Variants in NOC2L observed in about 807,000 individuals in gnomAD.
NOC2L encodes NOC2 like nucleolar associated transcriptional repressor.
In NOC2L, 101 loss-of-function variants were observed where a neutral mutation model predicts 94.2. The ratio of observed to expected loss-of-function variants is 1.07; its 90% CI spans 0.91 to 1.26. The LOEUF (loss-of-function observed/expected upper bound fraction) is 1.26, where lower values mean the gene tolerates loss of function less well. NOC2L is among the 50% of genes most tolerant of loss of function. The probability of loss-of-function intolerance (pLI) is 0.00; values close to 1 mark genes in which losing one functional copy is unlikely to be tolerated. For synonymous variants in NOC2L, 531 were observed against 413.4 expected (o/e 1.28, Z -3.45); for missense variants, 1,076 against 980.1 (o/e 1.10, Z -1.31).
chr1:957,296 C>G lies in NOC2L; in HGVS notation c.180-23G>C, dbSNP rs765512236. ...CGGCTGAGGAGGCAGAAGTCAGCGA[C>G]CCCAGTGGGAAGTGGAAGTAGAGGG... On this transcript the variant is annotated intron_variant, in intron 2 of 18. Transcript: ENST00000327044. 2.2e-5 allele frequency: 35 copies of G among 1,610,852 alleles called. No homozygotes were observed. The South Asian group carries it at 3.3e-4, about 15-fold the overall frequency.
intron 16 of NOC2L, among the ~76,000 whole-genome samples, chr1:945,946 G>A (rs1343211038): frequency 6.6e-6 from 1 of 152,216 alleles, no homozygotes; most frequent in Non-Finnish European, 1.5e-5. Flanking sequence ...GGCCTGAGGG[G>A]GCATGGCCTC....
chr1:949,191 T>C (rs1642191561), intron 12 of NOC2L, among the ~76,000 whole-genome samples: 1 of 152,044 alleles, frequency 6.6e-6, no homozygotes, highest in Non-Finnish European at 1.5e-5. Context: ...CAGCCTGGCC[T>C]CTCAGTCTTG....
chr1:953,180 G>A lies in NOC2L; in HGVS notation c.997C>T (p.Leu333Phe). The A allele has an allele frequency of 6.2e-7, 1 of 1,609,834 alleles. No homozygotes were observed. Among genetic ancestry groups the A allele is most frequent in the Non-Finnish European group, 8.5e-7 (1 of 1,176,520 alleles). The stretch of plus-strand genomic sequence containing the variant: ...GACGCAGGGCCCACCACTACCTTGA[G>A]GACGGGGCCAAGGAAAGTGTCCTTC... ...HKKDTFLGPV[L>F]KQMYITYVRN... The change falls in exon 9 of 19, where the codon CTC becomes TTC. Residue 333 changes from leucine to phenylalanine, a missense_variant. By Grantham distance (22) the Leu-to-Phe change is conservative. This residue lies in a region of NOC2L where 615 missense variants were observed against 577.4 expected (regional missense o/e 1.07). Coordinates refer to ENST00000327044, the MANE Select transcript of NOC2L (RefSeq NM_015658.4).
In NOC2L at chr1:944,526, C is replaced by A; in HGVS notation, c.*168G>T. On this transcript the variant is annotated 3_prime_UTR_variant, in exon 19 of 19. Transcript: ENST00000327044. ...GCCACACCAGCCCAGCCCAGCCCAG[C>A]TCTCGATACGTTTGGTCTTTCATGC... is the stretch of plus-strand genomic sequence containing the variant. 1 of 626,324 alleles carries A rather than the reference C, an allele frequency of 1.6e-6. No homozygotes were observed. Among genetic ancestry groups the A allele is most frequent in the Non-Finnish European group, 2.7e-6 (1 of 371,076 alleles). The allele number at this position is 626,324 out of a possible 1,614,324, so 38.8% of individuals were successfully genotyped here.
chr1:950,324 T>A (rs1057384074), intron 12 of NOC2L, among the ~76,000 whole-genome samples: 1 of 151,722 alleles, frequency 6.6e-6, no homozygotes, highest in Non-Finnish European at 1.5e-5. Context: ...CAGACACACA[T>A]GCATGCACAC....
Position 956,110 on chromosome 1 carries a change from C to T in NOC2L, c.592G>A (p.Val198Ile). The T allele has an allele frequency of 6.2e-7, 1 of 1,614,080 alleles. No homozygotes were observed. Among genetic ancestry groups the T allele is most frequent in the Non-Finnish European group, 8.5e-7 (1 of 1,180,038 alleles). Residue 198 changes from valine (V) to isoleucine (I), a missense_variant, in exon 5 of 19, where the codon GTC (valine) becomes ATC (isoleucine). Around this residue, in one of 3 missense-constraint regions of NOC2L, gnomAD observed 457 missense variants for 386.0 expected, o/e 1.18. Coordinates refer to ENST00000327044, the MANE Select transcript of NOC2L (RefSeq NM_015658.4). The stretch of plus-strand genomic sequence containing the variant: ...CCAAGCTCACCAGCACTGTCCGTGA[C>T]CTGGAATTTGTTGGCCTCAGCACTT... ...QESAEANKFQ[V>I]TDSAAFNALV...
chr1:956,286 C>G, intron 4 of NOC2L, 71 bp from the exon 5 acceptor site: 1 of 1,583,500 alleles, frequency 6.3e-7, no homozygotes, highest in Non-Finnish European at 8.6e-7. Flanking sequence ...AACGGCAGCC[C>G]CAGAGAAAGG....
chr1:944,290 A>T lies in NOC2L; in HGVS notation c.*404T>A. On this transcript the variant is annotated 3_prime_UTR_variant, in exon 19 of 19. Coordinates refer to ENST00000327044, the MANE Select transcript of NOC2L (RefSeq NM_015658.4). ...ATTTTAAAAGAAAATGTGACTTCAA[A>T]GGAAAGGAACAAATTTTCAAAGACT... 7.0e-7 allele frequency: 1 copy of T among 1,421,714 alleles called. No individual in the cohort carries two copies. Among genetic ancestry groups the T allele is most frequent in the Admixed American group, 3.1e-5 (1 of 32,014 alleles). 88.1% of individuals were successfully genotyped at this position (1,421,714 alleles called of 1,614,324 possible).
At position 952,114 on chromosome 1, in the gene NOC2L, C is replaced by T; in HGVS notation, c.1217G>A (p.Trp406Ter). The T allele has an allele frequency of 1.2e-6, 2 of 1,613,632 alleles. No individual in the cohort carries two copies. Among genetic ancestry groups the T allele is most frequent in the East Asian group, 2.2e-5 (1 of 44,888 alleles). Reference protein sequence around the residue: ...KKETYQSVYNWQYVHCLFLWC... With the variant: ...KKETYQSVYN ...CAGGAAGAGGCAGTGCACATACTGC[C>T]AGTTGTACACAGACTGGTATGTTTC... Residue 406 changes from tryptophan to a stop codon, truncating the protein, a stop_gained, in exon 11 of 19, where the codon TGG becomes TAG. Transcript: ENST00000327044. LOFTEE classifies it high-confidence loss of function.
At chr1:946,681 A>T (rs1207367278) in intron 14 of NOC2L, 136 bp from the exon 15 acceptor site, 2 of 1,054,020 alleles carry the variant, frequency 1.9e-6, no homozygotes, top group Non-Finnish European at 2.7e-6. Flanking sequence ...TCAGGGCTCA[A>T]GTGCATAGCT....
rs1642281607 is a variant in NOC2L, at chr1:952,297, G to A, written c.1191+115C>T. The A allele has an allele frequency of 6.3e-6, 9 of 1,430,488 alleles. No homozygotes were observed. In the East Asian group the frequency reaches 1.4e-4, roughly 23 times the overall value. 88.6% of individuals were successfully genotyped at this position (1,430,488 alleles called of 1,614,324 possible). A position where few individuals can be genotyped will look rare whatever the true frequency, so the allele number is the denominator to read the frequency against. ...CTGCAAGGACCGACTGCACCAGGGT[G>A]CTGGGCTGTCTCCAGACAGGGGCTT... On this transcript the variant is annotated intron_variant, in intron 10 of 18. Transcript: ENST00000327044.
chr1:948,340 T>A, intron 13 of NOC2L, 108 bp from the exon 14 acceptor site: 1 of 1,108,836 alleles, frequency 9.0e-7, no homozygotes, highest in Non-Finnish European at 1.3e-6. Context: ...GGGCACGGAC[T>A]GCAAGGAAGG....
chr1:956,900 T>G lies in NOC2L; in HGVS notation c.480A>C (p.Ala160=), dbSNP rs756509282. Residue 160 remains alanine, a synonymous_variant, in exon 4 of 19, where the codon GCA becomes GCC. Coordinates refer to ENST00000327044, the MANE Select transcript of NOC2L (RefSeq NM_015658.4). ...TVAMVERWKQ[A]AKQRLTPKLF... The stretch of plus-strand genomic sequence containing the variant: ...GCCCCTGGCTGCTGCTCACCTTTGC[T>G]GCCTGCTTCCATCTCTCAACCATGG... The G allele has an allele frequency of 6.2e-7, 1 of 1,613,732 alleles. No homozygotes were observed. The highest frequency in any genetic ancestry group is 1.1e-5 in the South Asian group (1 of 91,076).
In NOC2L at chr1:955,168, C is replaced by T. The variant is rs1642367310; in HGVS notation, c.698+755G>A. The stretch of plus-strand genomic sequence containing the variant: ...CTGTCCCTCCACCCCCATCTGCCAG[C>T]TTCCTTGTCCCCTTCGGACAGCACT... On this transcript the variant is annotated intron_variant, in intron 6 of 18. Transcript: ENST00000327044. 2.0e-5 allele frequency among the ~76,000 whole-genome samples: 3 copies of T among 152,270 alleles called. No homozygotes were observed. The South Asian group carries it at 6.2e-4, about 31-fold the overall frequency.
chr1:956,491 C>T (rs995864531), intron 4 of NOC2L, among the ~76,000 whole-genome samples: 69 of 152,080 alleles, frequency 4.5e-4, no homozygotes, highest in Non-Finnish European at 8.7e-4. Flanking sequence ...TGGAGCTCTC[C>T]GTATCCTTGT....
rs984235658 is a variant in NOC2L, at chr1:945,504, C to T, written c.2053+14G>A. 5 of 1,612,980 alleles carry T rather than the reference C, an allele frequency of 3.1e-6. No homozygotes were observed. Among genetic ancestry groups the T allele is most frequent in the Non-Finnish European group, 4.2e-6 (5 of 1,179,708 alleles). ...AGGCCCACCCTTCCCCTGGGAGCAC[C>T]ACGCAGGCCCCACCTCTCTCCGAGA... On this transcript the variant is annotated intron_variant, in intron 17 of 18. Coordinates refer to ENST00000327044, the MANE Select transcript of NOC2L (RefSeq NM_015658.4).
At position 948,623 on chromosome 1, in the gene NOC2L, A is replaced by G; in HGVS notation, c.1444-20T>C. The G allele has an allele frequency of 8.5e-7, 1 of 1,174,548 alleles. No homozygotes were observed. Among genetic ancestry groups the G allele is most frequent in the Non-Finnish European group, 1.1e-6 (1 of 919,926 alleles). 72.8% of individuals were successfully genotyped at this position (1,174,548 alleles called of 1,614,324 possible). A position where few individuals can be genotyped will look rare whatever the true frequency, so the allele number is the denominator to read the frequency against. On this transcript the variant is annotated intron_variant, in intron 12 of 18. Coordinates refer to ENST00000327044, the MANE Select transcript of NOC2L (RefSeq NM_015658.4). ...GAACATCTGCCCCAAGGGCCGTGTC[A>G]GGCTCTCTCGGCCCCATGCCTGGTC...
rs976147708 is a variant in NOC2L, at chr1:944,829, T to C, written c.2144-29A>G. 1.4e-5 allele frequency: 20 copies of C among 1,475,302 alleles called. No individual in the cohort carries two copies. The African/African-American group carries it at 1.8e-4, about 13-fold the overall frequency. 91.4% of individuals were successfully genotyped at this position (1,475,302 alleles called of 1,614,324 possible). ...CGGGGAGAGATGGAGGCTACATAAA[T>C]TTTGCTTTATCAGGAAGAAGCCAGC... is the stretch of plus-strand genomic sequence containing the variant. On this transcript the variant is annotated intron_variant, in intron 18 of 18. Coordinates refer to ENST00000327044, the MANE Select transcript of NOC2L (RefSeq NM_015658.4).
intron 17 of NOC2L, 150 bp from the exon 18 acceptor site, chr1:945,296 A>T: frequency 9.2e-7 from 1 of 1,081,996 alleles, no homozygotes; most frequent in Non-Finnish European, 1.3e-6. Flanking sequence ...AGGAACTGGG[A>T]GGTCACAGGC....
Sources: gnomAD v4.1 joint callset for allele counts (sites outside exome capture counted in the v4.1 genomes callset) on GRCh38, gnomAD v4.1.1 for gene constraint, gnomAD v4.1.1 regional missense constraint, MANE v1.5 for transcripts, NCBI Gene and HGNC (gene_info 2026-07-23, HGNC 2026-07-21) for gene names.